Variants in L3MBTL4 observed in about 807,000 individuals in gnomAD.
The protein encoded by L3MBTL4 is lethal(3)malignant brain tumor-like protein 4.
L3MBTL4 carries 70 observed loss-of-function variants against 84.5 expected under a neutral mutation model. The observed-to-expected ratio is 0.83, with a 90% CI of 0.68 to 1.01. L3MBTL4 has a LOEUF of 1.01. L3MBTL4 is among the 50% of genes least tolerant of loss of function. The probability of loss-of-function intolerance (pLI) is 0.00; values close to 1 mark genes in which losing one functional copy is unlikely to be tolerated. For missense variants in L3MBTL4, 715 were observed against 754.8 expected, an observed-to-expected ratio of 0.95 and a Z score of 0.62; for synonymous variants, 274 against 259.8, an observed-to-expected ratio of 1.05 and a Z score of -0.52.
At chr18:6,243,539 C>A in intron 6 of L3MBTL4, 110 bp from the exon 7 acceptor site, 1 of 797,152 alleles carries the variant, frequency 1.3e-6, no homozygotes, top group Non-Finnish European at 1.8e-6. Flanking sequence ...ATATAAGAGC[C>A]AACCCTTCTA....
chr18:5,973,343 C>T lies in L3MBTL4; in HGVS notation c.1445-3781G>A, dbSNP rs930903392. ...ATCTGCTTCCCAGGCAGCCTGTTGC[C>T]GATGTGTGGCAACCGTGTCAGATGC... On this transcript the variant is annotated intron_variant, in intron 16 of 18. Coordinates refer to ENST00000317931, the MANE Select transcript of L3MBTL4 (RefSeq NM_001330559.2). Among the ~76,000 whole-genome samples the T allele has an allele frequency of 2.6e-5, 4 of 152,140 alleles. No homozygotes were observed. In the South Asian group the frequency reaches 6.2e-4, roughly 24 times the overall value.
rs139155995 is a variant in L3MBTL4, at chr18:6,252,170, G to A, written c.220-7582C>T. Among the ~76,000 whole-genome samples, 1,268 of 152,178 alleles carry A rather than the reference G, an allele frequency of 8.3e-3. 17 individuals carry two copies. The highest frequency in any genetic ancestry group is 0.029 in the African/African-American group (1,187 of 41,518). ...CTACTAAAAATACAAAAAATTAGCC[G>A]GGTGTGGTGGTGGGCACCTGTAATC... is the stretch of plus-strand genomic sequence containing the variant. On this transcript the variant is annotated intron_variant, in intron 5 of 18. Transcript: ENST00000317931.
intron 16 of L3MBTL4, among the ~76,000 whole-genome samples, chr18:6,040,777 ACCAT>A (rs1481461288): frequency 1.3e-5 from 2 of 152,032 alleles, no homozygotes; most frequent in African/African-American, 4.8e-5. Flanking sequence ...AAGCCCCTAA[ACCAT>A]CCTATTCTTG....
intron 16 of L3MBTL4, among the ~76,000 whole-genome samples, chr18:6,022,915 A>G (rs2055334838): frequency 6.6e-6 from 1 of 152,222 alleles, no homozygotes; most frequent in Non-Finnish European, 1.5e-5. Flanking sequence ...TTGGAGTCAC[A>G]CTGCTCGGGT....
At chr18:6,030,880 A>G in intron 16 of L3MBTL4, 1 of 985,276 alleles carries the variant, frequency 1.0e-6, no homozygotes, top group South Asian at 4.7e-5. Context: ...GGATATAAAC[A>G]ACCAGGCAGC....
intron 16 of L3MBTL4, among the ~76,000 whole-genome samples, chr18:5,985,194 C>G (rs2053413991): frequency 6.6e-6 from 1 of 152,104 alleles, no homozygotes; most frequent in Admixed American, 6.5e-5. Flanking sequence ...GAAAGAAGTG[C>G]ATAATGGATT....
intron 16 of L3MBTL4, among the ~76,000 whole-genome samples, chr18:6,005,222 T>C (rs1400671814): frequency 6.6e-6 from 1 of 151,632 alleles, no homozygotes; most frequent in Non-Finnish European, 1.5e-5. Flanking sequence ...CTTGTGCCTG[T>C]GTAGTCCCAG....
At chr18:6,360,942 G>T (rs573181592) in intron 1 of L3MBTL4, among the ~76,000 whole-genome samples, 1 of 150,806 alleles carries the variant, frequency 6.6e-6, no homozygotes, top group African/African-American at 2.4e-5. Context: ...GAGCCAAGGA[G>T]TCTAGTCCAA....
chr18:6,331,800 T>C (rs1359498535), intron 1 of L3MBTL4, among the ~76,000 whole-genome samples: 5 of 152,056 alleles, frequency 3.3e-5, no homozygotes, highest in Non-Finnish European at 7.4e-5. Context: ...AAGTTTACTT[T>C]TTAGAAGTGA....
chr18:6,188,651 G>A (rs1318647145), intron 12 of L3MBTL4, among the ~76,000 whole-genome samples: 1 of 152,192 alleles, frequency 6.6e-6, no homozygotes, highest in African/African-American at 2.4e-5. Flanking sequence ...ACAGGGGGAT[G>A]GACTTTGACA....
At chr18:6,034,445 A>G (rs904094966) in intron 16 of L3MBTL4, among the ~76,000 whole-genome samples, 37 of 151,956 alleles carry the variant, frequency 2.4e-4, no homozygotes, top group Non-Finnish European at 1.6e-4. Flanking sequence ...ATGATTTGCA[A>G]TTTCATCCCT....
intron 13 of L3MBTL4, among the ~76,000 whole-genome samples, chr18:6,168,487 C>T (rs1358757176): frequency 6.9e-4 from 105 of 152,100 alleles, no homozygotes; most frequent in African/African-American, 2.4e-3. Context: ...GAGATACAGA[C>T]CAATGGAACA....
chr18:6,045,408 G>T (rs1480437899), intron 16 of L3MBTL4, among the ~76,000 whole-genome samples: 2 of 152,182 alleles, frequency 1.3e-5, no homozygotes, highest in African/African-American at 2.4e-5. Context: ...TTTTCACGTG[G>T]CTGATAAGGA....
chr18:6,065,821 A>T (rs2057380716), intron 16 of L3MBTL4, among the ~76,000 whole-genome samples: 2 of 151,946 alleles, frequency 1.3e-5, no homozygotes, highest in African/African-American at 4.8e-5. Context: ...AGTTTCATTT[A>T]TCTTTTGTAA....
chr18:6,060,769 CT>C (rs1271172816), intron 16 of L3MBTL4, among the ~76,000 whole-genome samples: 31 of 152,208 alleles, frequency 2.0e-4, no homozygotes, highest in African/African-American at 7.5e-4. Context: ...GTATGTAGCC[CT>C]TTCAGGCTGG....
At chr18:6,100,362 T>C (rs1025853630) in intron 14 of L3MBTL4, among the ~76,000 whole-genome samples, 1 of 152,232 alleles carries the variant, frequency 6.6e-6, no homozygotes, top group Admixed American at 6.5e-5. Flanking sequence ...TCTTCTTTTA[T>C]TTTCCATTTC....
At chr18:6,163,308 G>GGGT (rs2043457273) in intron 13 of L3MBTL4, among the ~76,000 whole-genome samples, 2 of 78,248 alleles carry the variant, frequency 2.6e-5, no homozygotes, top group Non-Finnish European at 4.5e-5. Flanking sequence ...TGTGTGTGTG[G>GGGT]GTGGGTGTGT....
intron 16 of L3MBTL4, among the ~76,000 whole-genome samples, chr18:6,046,266 C>T (rs575625886): frequency 6.6e-6 from 1 of 152,288 alleles, no homozygotes; most frequent in South Asian, 2.1e-4. Flanking sequence ...ACAACTACTT[C>T]TAGACCTACA....
At chr18:6,340,229 C>T (rs886211086) in intron 1 of L3MBTL4, among the ~76,000 whole-genome samples, 9 of 152,084 alleles carry the variant, frequency 5.9e-5, no homozygotes, top group Admixed American at 5.2e-4. Context: ...ACAAAAACAC[C>T]AATTTTGGCA....
Sources: gnomAD v4.1 joint callset for allele counts (sites outside exome capture counted in the v4.1 genomes callset) on GRCh38, gnomAD v4.1.1 for gene constraint, MANE v1.5 for transcripts, NCBI Gene and HGNC (gene_info 2026-07-23, HGNC 2026-07-21) for gene names.